SNX32: variants seen among roughly 807,000 people sequenced by gnomAD.
SNX32 encodes sorting nexin 32.
In SNX32, 58 loss-of-function variants were observed where a neutral mutation model predicts 57.0. The observed-to-expected ratio is 1.02, with a 90% CI of 0.82 to 1.27. The LOEUF is 1.27. Among genes scored for constraint, SNX32 ranks in the 50% most tolerant of loss-of-function variants. SNX32 has a pLI of 0.00. For synonymous variants in SNX32, 262 were observed against 220.4 expected (o/e 1.19, Z -1.67); for missense variants, 589 against 541.2 (o/e 1.09, Z -0.88).
At chr11:65,838,294 ATT>A (rs1858729652) in intron 1 of SNX32, among the ~76,000 whole-genome samples, 1 of 152,210 alleles carries the variant, frequency 6.6e-6, no homozygotes, top group Non-Finnish European at 1.5e-5. Context: ...ACAATCCTAA[ATT>A]TATAGGCACC....
At chr11:65,844,292 A>G (rs1260433252) in intron 1 of SNX32, among the ~76,000 whole-genome samples, 1 of 152,154 alleles carries the variant, frequency 6.6e-6, no homozygotes, top group African/African-American at 2.4e-5. Context: ...ACAAACATAG[A>G]CCAATGGAAC....
chr11:65,851,327 G>A lies in SNX32; in HGVS notation c.710-1G>A. ...CTCTGATGGGGGCTGTTCCCCAACA[G>A]GCCTGGCAGACGATTATATCCCTAT... On this transcript the variant is annotated splice_acceptor_variant, in intron 7 of 12. Coordinates refer to ENST00000308342, the MANE Select transcript of SNX32 (RefSeq NM_152760.3). LOFTEE classifies it high-confidence loss of function. The A allele has an allele frequency of 1.2e-6, 2 of 1,614,128 alleles. No individual in the cohort carries two copies. The highest frequency in any genetic ancestry group is 1.7e-6 in the Non-Finnish European group (2 of 1,180,002).
chr11:65,836,531 G>A (rs893071979), intron 1 of SNX32, among the ~76,000 whole-genome samples: 3 of 152,152 alleles, frequency 2.0e-5, no homozygotes, highest in Admixed American at 1.3e-4. Context: ...GCAACAGAGC[G>A]AGAATCTGTC....
intron 1 of SNX32, chr11:65,835,726 G>C (rs1049710717): frequency 1.3e-5 from 2 of 152,258 alleles, no homozygotes; most frequent in African/African-American, 4.8e-5. Flanking sequence ...GGGACTAGGG[G>C]ACCTGCTGCA....
chr11:65,836,412 T>G (rs1367975194), intron 1 of SNX32, among the ~76,000 whole-genome samples: 4 of 151,944 alleles, frequency 2.6e-5, no homozygotes, highest in Non-Finnish European at 5.9e-5. Context: ...GACGTGGTGG[T>G]GCGCACCTGT....
At chr11:65,849,097 T>C (rs966502386) in intron 1 of SNX32, among the ~76,000 whole-genome samples, 1 of 152,050 alleles carries the variant, frequency 6.6e-6, no homozygotes, top group Non-Finnish European at 1.5e-5. Flanking sequence ...TGAGCTGAGA[T>C]CGCGCCACTG....
chr11:65,851,794 A>G lies in SNX32; in HGVS notation c.825+115A>G. ...TTGGGTTCAGTGATAACTTGGGCCC[A>G]GTGGCAAGTTGGGCTTACACTCCAG... On this transcript the variant is annotated intron_variant, in intron 9 of 12. Coordinates refer to ENST00000308342, the MANE Select transcript of SNX32 (RefSeq NM_152760.3). 3.3e-6 allele frequency: 4 copies of G among 1,215,826 alleles called. No individual in the cohort carries two copies. The South Asian group carries it at 5.0e-5, about 15-fold the overall frequency. 75.3% of individuals were successfully genotyped at this position (1,215,826 alleles called of 1,614,324 possible). A position where few individuals can be genotyped will look rare whatever the true frequency, so the allele number is the denominator to read the frequency against.
At chr11:65,852,223 C>G (rs1023113872) in intron 9 of SNX32, among the ~76,000 whole-genome samples, 1 of 152,120 alleles carries the variant, frequency 6.6e-6, no homozygotes, top group Non-Finnish European at 1.5e-5. Flanking sequence ...AACACATAGC[C>G]GGGCTTGCAC....
Position 65,851,369 on chromosome 11 carries a change from A to G in SNX32, c.751A>G (p.Ser251Gly). The G allele has an allele frequency of 6.2e-7, 1 of 1,614,174 alleles. No individual in the cohort carries two copies. Among genetic ancestry groups the G allele is most frequent in the Non-Finnish European group, 8.5e-7 (1 of 1,180,000 alleles). The part of the protein sequence containing the change: ...DYIPISAALS[S>G]LGTQEVNQLR... The stretch of plus-strand genomic sequence containing the variant: ...TATCCCTATCTCAGCTGCGCTGAGC[A>G]GTCTGGGAACACAGGAAGTCAACCA... The change falls in exon 8 of 13, where the codon AGT becomes GGT. Residue 251 changes from serine to glycine, a missense_variant. Ser to Gly is a moderately conservative substitution (Grantham distance 56). Coordinates refer to ENST00000308342, the MANE Select transcript of SNX32 (RefSeq NM_152760.3).
intron 1 of SNX32, among the ~76,000 whole-genome samples, chr11:65,842,690 C>T (rs137875550): frequency 0.014 from 2,183 of 151,590 alleles, 52 homozygotes; most frequent in East Asian, 0.1. Flanking sequence ...TGGCTCATGG[C>T]TGTAATCCCA....
intron 1 of SNX32, among the ~76,000 whole-genome samples, chr11:65,848,667 G>A (rs1859070034): frequency 6.6e-6 from 1 of 152,232 alleles, no homozygotes; most frequent in South Asian, 2.1e-4. Flanking sequence ...CACATGCTTT[G>A]CATGTAAGCT....
At chr11:65,852,606 G>A (rs1460921724) in intron 10 of SNX32, 24 bp from the exon 11 acceptor site, 4 of 1,613,496 alleles carry the variant, frequency 2.5e-6, no homozygotes, top group Non-Finnish European at 3.4e-6. Flanking sequence ...CAGGGCAGCA[G>A]TGACCCTGTG....
intron 1 of SNX32, among the ~76,000 whole-genome samples, chr11:65,844,437 TA>T (rs11332468): frequency 0.52 from 75,779 of 146,358 alleles, 22,285 homozygotes; most frequent in Middle Eastern, 0.67. Context: ...CCCTTTTCTT[TA>T]AAAAAAAAAA....
chr11:65,851,363 C>T lies in SNX32; in HGVS notation c.745C>T (p.Leu249=). 6.2e-7 allele frequency: 1 copy of T among 1,614,162 alleles called. No individual in the cohort carries two copies. Among genetic ancestry groups the T allele is most frequent in the Non-Finnish European group, 8.5e-7 (1 of 1,180,002 alleles). ...CGATTATATCCCTATCTCAGCTGCG[C>T]TGAGCAGTCTGGGAACACAGGAAGT... ...ADDYIPISAA[L]SSLGTQEVNQ... Residue 249 remains leucine (L), a synonymous_variant, in exon 8 of 13, where the codon CTG becomes TTG. Transcript: ENST00000308342.
chr11:65,834,850 C>T (rs981949379), intron 1 of SNX32, among the ~76,000 whole-genome samples: 3 of 145,416 alleles, frequency 2.1e-5, no homozygotes, highest in Non-Finnish European at 4.5e-5. Context: ...ATTTCTGGGT[C>T]TGTGTGTGTG....
rs148372152 is a variant in SNX32, at chr11:65,852,959, G to C, written c.1158+1G>C. On this transcript the variant is annotated splice_donor_variant, in intron 12 of 12. Transcript: ENST00000308342. LOFTEE classifies it high-confidence loss of function. ...AGAGCTGGAGCTCAAACACGCCAAG[G>C]TGAGCCCTCCCACCTCACTGGGCCC... The C allele has an allele frequency of 1.1e-5, 18 of 1,613,912 alleles. No individual in the cohort carries two copies. Among genetic ancestry groups the C allele is most frequent in the Non-Finnish European group, 1.4e-5 (16 of 1,179,992 alleles).
chr11:65,848,485 A>G (rs1258048353), intron 1 of SNX32, among the ~76,000 whole-genome samples: 1 of 151,512 alleles, frequency 6.6e-6, no homozygotes, highest in Non-Finnish European at 1.5e-5. Flanking sequence ...CAGGAGGATC[A>G]CTTGAGCCCA....
chr11:65,840,112 G>A (rs1456621521), intron 1 of SNX32, among the ~76,000 whole-genome samples: 2 of 151,530 alleles, frequency 1.3e-5, no homozygotes, highest in Non-Finnish European at 2.9e-5. Context: ...CCAAGATCGC[G>A]CCAGTGCACT....
chr11:65,853,152 G>A (rs1859277408), intron 12 of SNX32, 130 bp from the exon 13 acceptor site: 1 of 1,406,432 alleles, frequency 7.1e-7, no homozygotes, highest in Non-Finnish European at 1.0e-6. Flanking sequence ...TGGGTAGGAA[G>A]GCCCAATTAA....
Sources: gnomAD v4.1 joint callset for allele counts (sites outside exome capture counted in the v4.1 genomes callset) on GRCh38, gnomAD v4.1.1 for gene constraint, MANE v1.5 for transcripts, NCBI Gene and HGNC (gene_info 2026-07-23, HGNC 2026-07-21) for gene names.